Variants in USP29 observed in about 807,000 individuals in gnomAD.
USP29 encodes ubiquitin specific peptidase 29.
For synonymous variants in USP29, 386 were observed against 387.4 expected (o/e 1.00, Z 0.04); for missense variants, 1,102 against 1,069.0 (o/e 1.03, Z -0.43).
At position 57,130,045 on chromosome 19, in the gene USP29, A is replaced by T. The variant is rs150713042; in HGVS notation, c.1370A>T (p.Asn457Ile). 221 of 1,613,796 alleles carry T rather than the reference A, an allele frequency of 1.4e-4. No individual in the cohort carries two copies. In the African/African-American group the frequency reaches 2.6e-3, roughly 19 times the overall value. Reference protein sequence around the residue: ...KVEPNNYLSINLHQETKPLPL... With the variant: ...KVEPNNYLSIILHQETKPLPL... ...GAACCTAATAATTATCTCTCCATCAACCTGCACCAAGAAACAAAACCACTT... is the reference window on the plus strand; with the variant it reads ...GAACCTAATAATTATCTCTCCATCATCCTGCACCAAGAAACAAAACCACTT... The change falls in exon 4 of 4, where the codon AAC becomes ATC. Residue 457 changes from asparagine to isoleucine, a missense_variant. Coordinates refer to ENST00000254181, the MANE Select transcript of USP29 (RefSeq NM_020903.3).
intron 1 of USP29, 45 bp from the exon 2 acceptor site, chr19:57,122,280 A>T (rs932805778): frequency 6.6e-6 from 1 of 152,144 alleles, no homozygotes; most frequent in East Asian, 1.9e-4. Context: ...AAAGGTCGGA[A>T]CATCATAATC....
chr19:57,125,847 T>C (rs1479720792), intron 3 of USP29, among the ~76,000 whole-genome samples: 2 of 152,116 alleles, frequency 1.3e-5, no homozygotes, highest in Non-Finnish European at 2.9e-5. Flanking sequence ...TTGATGCAGT[T>C]TCTTCTGTGT....
Position 57,130,729 on chromosome 19 carries a change from T to C in USP29, c.2054T>C (p.Val685Ala), listed in dbSNP as rs1183628168. 4 of 1,613,966 alleles carry C rather than the reference T, an allele frequency of 2.5e-6. No individual in the cohort carries two copies. The highest frequency in any genetic ancestry group is 2.5e-6 in the Non-Finnish European group (3 of 1,179,998). Residue 685 changes from valine to alanine, a missense_variant, in exon 4 of 4, where the codon GTG becomes GCG. Transcript: ENST00000254181. ...CTTGTCGAGGTTCATCTTCAAGAGG[T>C]GCCTCAACATCCAGAACTTCAGAAG... ...TRLVEVHLQE[V>A]PQHPELQKYE...
At chr19:57,121,739 A>T (rs568061773) in intron 1 of USP29, among the ~76,000 whole-genome samples, 9 of 147,810 alleles carry the variant, frequency 6.1e-5, no homozygotes, top group South Asian at 2.1e-4. Context: ...ATAATTATAT[A>T]TATATAAAAC....
intron 3 of USP29, among the ~76,000 whole-genome samples, chr19:57,125,078 A>G (rs1392323649): frequency 6.6e-6 from 1 of 152,100 alleles, no homozygotes; most frequent in East Asian, 1.9e-4. Context: ...TTGCAGTCCC[A>G]TTTTCACTTA....
rs901345850 is a variant in USP29 at position 57,123,233 on chromosome 19, C to T, written c.-118+759C>T. Among the ~76,000 whole-genome samples the T allele has an allele frequency of 3.9e-5, 6 of 152,212 alleles. No individual in the cohort carries two copies. In the East Asian group the frequency reaches 1.2e-3, roughly 29 times the overall value. On this transcript the variant is annotated intron_variant, in intron 2 of 3. Transcript: ENST00000254181. ...AAATTGAATATCATATGGTCACTTGCAGAATTAAATGGTATTAAGGCATGT... is the reference window on the plus strand; with the variant it reads ...AAATTGAATATCATATGGTCACTTGTAGAATTAAATGGTATTAAGGCATGT...
At chr19:57,123,941 A>T (rs1308966723) in intron 2 of USP29, 98 bp from the exon 3 acceptor site, 1 of 152,236 alleles carries the variant, frequency 6.6e-6, no homozygotes, top group Non-Finnish European at 1.5e-5. Context: ...TTTCTAAGAT[A>T]TAATGCAATA....
chr19:57,127,456 AC>A (rs2086829621), intron 3 of USP29, among the ~76,000 whole-genome samples: 1 of 152,046 alleles, frequency 6.6e-6, no homozygotes, highest in African/African-American at 2.4e-5. Flanking sequence ...TGGGACTGTT[AC>A]CCTTTCTTCA....
In USP29 at chr19:57,130,178, T is replaced by C; in HGVS notation, c.1503T>C (p.Ser501=). 1 of 1,614,114 alleles carries C rather than the reference T, an allele frequency of 6.2e-7. No homozygotes were observed. Among genetic ancestry groups the C allele is most frequent in the Non-Finnish European group, 8.5e-7 (1 of 1,180,028 alleles). The change falls in exon 4 of 4, where the codon AGT becomes AGC. Residue 501 remains serine (S), a synonymous_variant. Transcript: ENST00000254181. ...GTTGTGTTGCAAGGCATACATTTAGTAGGCTCTCCAGGGTCCTTATCATTC... is the reference window on the plus strand; with the variant it reads ...GTTGTGTTGCAAGGCATACATTTAGCAGGCTCTCCAGGGTCCTTATCATTC... ...QKSCVARHTF[S]RLSRVLIIHL... is the part of the protein sequence containing the mutation.
chr19:57,129,271 C>T lies in USP29; in HGVS notation c.596C>T (p.Ser199Phe), dbSNP rs1234288044. The change falls in exon 4 of 4, where the codon TCC (serine) becomes TTC (phenylalanine). Residue 199 changes from serine (S) to phenylalanine (F), a missense_variant. By Grantham distance (155) the Ser-to-Phe change is radical. Transcript: ENST00000254181. ...CCAAACAAGAAATATAAGACAGATT[C>T]CTTGAAATATATACAAAGCAATAGG... ...PVPNKKYKTDSLKYIQSNRKN... is the reference protein window; with the variant it reads ...PVPNKKYKTDFLKYIQSNRKN... 1.5e-5 allele frequency: 24 copies of T among 1,613,180 alleles called. No individual in the cohort carries two copies. The highest frequency in any genetic ancestry group is 1.6e-5 in the Non-Finnish European group (19 of 1,179,842).
In USP29 at chr19:57,131,010, G is replaced by C; in HGVS notation, c.2335G>C (p.Ala779Pro). The C allele has an allele frequency of 6.2e-7, 1 of 1,614,158 alleles. No homozygotes were observed. The highest frequency in any genetic ancestry group is 8.5e-7 in the Non-Finnish European group (1 of 1,180,016). The change falls in exon 4 of 4, where the codon GCT becomes CCT. Residue 779 changes from alanine to proline, a missense_variant. By Grantham distance (27) the Ala-to-Pro change is conservative (BLOSUM62 -1). Transcript: ENST00000254181. Reference sequence around the variant, plus strand: ...GTCTACAGAATTAAGACTTCAAAAGGCTGACCTGAATCACCTTGGGGCACT... The same window carrying C: ...GTCTACAGAATTAAGACTTCAAAAGCCTGACCTGAATCACCTTGGGGCACT... ...NQSTELRLQK[A>P]DLNHLGALGS...
chr19:57,128,637 G>T (rs765795473), intron 3 of USP29, 23 bp from the exon 4 acceptor site: 3 of 1,519,338 alleles, frequency 2.0e-6, no homozygotes, highest in Non-Finnish European at 2.6e-6. Flanking sequence ...TGGTTAAAAT[G>T]CATGTGTGCT....
At chr19:57,123,324 C>T (rs1395858470) in intron 2 of USP29, among the ~76,000 whole-genome samples, 7 of 152,234 alleles carry the variant, frequency 4.6e-5, no homozygotes, top group Non-Finnish European at 7.3e-5. Flanking sequence ...AAACTCCCTT[C>T]CCTCCCATGA....
rs201176661 is a variant in USP29, at chr19:57,128,971, T to C, written c.296T>C (p.Leu99Pro). 49 of 1,614,136 alleles carry C rather than the reference T, an allele frequency of 3.0e-5. No homozygotes were observed. The South Asian group carries it at 5.1e-4, about 17-fold the overall frequency. ...YRDAKQLNMF[L>P]DIIHQNKSQQ... Reference sequence around the variant, plus strand: ...GATGCTAAACAGTTGAATATGTTCCTGGACATAATCCACCAAAACAAATCT... The same window carrying C: ...GATGCTAAACAGTTGAATATGTTCCCGGACATAATCCACCAAAACAAATCT... The change falls in exon 4 of 4, where the codon CTG becomes CCG. Residue 99 changes from leucine to proline, a missense_variant. Coordinates refer to ENST00000254181, the MANE Select transcript of USP29 (RefSeq NM_020903.3).
chr19:57,127,702 A>T (rs533767678), intron 3 of USP29, among the ~76,000 whole-genome samples: 1 of 152,266 alleles, frequency 6.6e-6, no homozygotes, highest in African/African-American at 2.4e-5. Flanking sequence ...AGTGGTTCTT[A>T]GCTTGCTGGG....
At chr19:57,121,618 T>C (rs994433718) in intron 1 of USP29, among the ~76,000 whole-genome samples, 1 of 146,858 alleles carries the variant, frequency 6.8e-6, no homozygotes, top group Non-Finnish European at 1.5e-5. Context: ...TATATGCTTA[T>C]ATGTATGTTA....
intron 3 of USP29, among the ~76,000 whole-genome samples, chr19:57,124,530 A>G (rs1599915627): frequency 6.8e-6 from 1 of 146,892 alleles, no homozygotes; most frequent in East Asian, 2.0e-4. Flanking sequence ...TGTTTTTCAG[A>G]CAGAGCCTTG....
At chr19:57,126,377 G>A (rs148017713) in intron 3 of USP29, among the ~76,000 whole-genome samples, 119 of 152,098 alleles carry the variant, frequency 7.8e-4, no homozygotes, top group African/African-American at 2.7e-3. Flanking sequence ...CATTCTCCCC[G>A]TCACTTTCAG....
chr19:57,123,748 CTTG>C (rs1353310153), intron 2 of USP29, among the ~76,000 whole-genome samples: 1 of 152,090 alleles, frequency 6.6e-6, no homozygotes, highest in East Asian at 1.9e-4. Flanking sequence ...GTTAGAAGGT[CTTG>C]TTGTGGCAGA....
Sources: allele counts gnomAD v4.1 joint callset (sites outside exome capture counted in the v4.1 genomes callset), GRCh38; gene constraint gnomAD v4.1.1; transcripts MANE v1.5; gene names NCBI Gene and HGNC (gene_info 2026-07-23, HGNC 2026-07-21).